The following NLGN4Y variants were observed in gnomAD, a reference collection of about 807,000 sequenced individuals.
NLGN4Y encodes the protein neuroligin 4 Y-linked.
In NLGN4Y, 4 loss-of-function variants were observed where a neutral mutation model predicts 8.4. The ratio of observed to expected loss-of-function variants is 0.48; its 90% CI spans 0.23 to 1.09. The LOEUF (loss-of-function observed/expected upper bound fraction) is 1.09. Among genes scored for constraint, NLGN4Y ranks in the 50% least tolerant of loss-of-function variants. The probability of loss-of-function intolerance (pLI) is 0.19; values close to 1 mark genes in which losing one functional copy is unlikely to be tolerated. For synonymous variants in NLGN4Y, 35 were observed against 75.6 expected (o/e 0.46, Z 2.78); for missense variants, 90 against 192.3 (o/e 0.47, Z 3.15).
chrY:14,596,128 C>T (rs2080396261), intron 1 of NLGN4Y, among the ~76,000 whole-genome samples: 1 of 33,170 alleles, frequency 3.0e-5, no homozygotes, highest in Non-Finnish European at 7.4e-5. Context: ...TTTGTCCTCA[C>T]TTATAGGAAG....
At chrY:14,523,134 A>G (rs920183519), upstream of NLGN4Y, among the ~76,000 whole-genome samples, 1 of 30,496 alleles carries the variant, frequency 3.3e-5, no homozygotes, top group South Asian at 7.8e-4. Context: ...TTTGGGCTGG[A>G]CTCTCTCCCA....
chrY:14,772,564 A>T, intron 4 of NLGN4Y, among the ~76,000 whole-genome samples: 1 of 33,769 alleles, frequency 3.0e-5, no homozygotes, highest in Non-Finnish European at 7.3e-5. Flanking sequence ...TCATTATATG[A>T]GGCCAGCATC....
intron 4 of NLGN4Y, among the ~76,000 whole-genome samples, chrY:14,784,440 C>A: frequency 6.0e-5 from 2 of 33,293 alleles, no homozygotes; most frequent in Admixed American, 5.4e-4. Context: ...GCGGGCGGAT[C>A]ACGAGGTCAG....
chrY:14,638,259 G>T, intron 2 of NLGN4Y, among the ~76,000 whole-genome samples: 2 of 33,213 alleles, frequency 6.0e-5, no homozygotes, highest in Non-Finnish European at 1.5e-4. Context: ...CTACTTATGA[G>T]TGAGAACATG....
At chrY:14,623,445 A>G in intron 2 of NLGN4Y, among the ~76,000 whole-genome samples, 1 of 33,840 alleles carries the variant, frequency 3.0e-5, no homozygotes, top group East Asian at 7.7e-4. Context: ...AGATGAGGAG[A>G]AAGGACAACA....
chrY:14,649,807 A>G (rs2080622979), intron 2 of NLGN4Y, among the ~76,000 whole-genome samples: 1 of 32,965 alleles, frequency 3.0e-5, no homozygotes, highest in Non-Finnish European at 7.5e-5. Context: ...CTTATTTACC[A>G]CCCCATTAGC....
chrY:14,613,166 T>G, intron 1 of NLGN4Y, among the ~76,000 whole-genome samples: 1 of 32,516 alleles, frequency 3.1e-5, no homozygotes, highest in South Asian at 7.3e-4. Context: ...GTGTCCCAGG[T>G]CAACTTCAGA....
chrY:14,803,889 A>G, intron 4 of NLGN4Y: 3 of 33,361 alleles, frequency 9.0e-5, no homozygotes, highest in Non-Finnish European at 2.2e-4. Context: ...CAGAACAACT[A>G]TCGAATCCCC....
intron 2 of NLGN4Y, among the ~76,000 whole-genome samples, chrY:14,683,143 A>G: frequency 3.0e-5 from 1 of 33,760 alleles, no homozygotes; most frequent in Non-Finnish European, 7.4e-5. Flanking sequence ...TGCAAATGTC[A>G]TAGATGGCAG....
intron 2 of NLGN4Y, among the ~76,000 whole-genome samples, chrY:14,628,175 A>G: frequency 2.9e-5 from 1 of 34,040 alleles, no homozygotes; most frequent in African/African-American, 1.1e-4. Flanking sequence ...AGCAAATGCC[A>G]TTGTGATTTC....
At chrY:14,812,779 A>T in intron 4 of NLGN4Y, among the ~76,000 whole-genome samples, 2 of 33,064 alleles carry the variant, frequency 6.0e-5, no homozygotes, top group African/African-American at 2.4e-4. Flanking sequence ...GGATTCCTAA[A>T]ATATTAATTT....
At chrY:14,627,207 G>A (rs774641538) in intron 2 of NLGN4Y, among the ~76,000 whole-genome samples, 2 of 30,171 alleles carry the variant, frequency 6.6e-5, no homozygotes, top group African/African-American at 2.6e-4. Context: ...AAAAAAAAAA[G>A]TTCTGCAATT....
intron 1 of NLGN4Y, among the ~76,000 whole-genome samples, chrY:14,590,389 A>T (rs1016388494): frequency 3.0e-5 from 1 of 33,304 alleles, no homozygotes; most frequent in Non-Finnish European, 7.5e-5. Flanking sequence ...GCTGTTGGGA[A>T]TTTGGCCAAT....
At chrY:14,702,213 C>A (rs2080850911) in intron 2 of NLGN4Y, among the ~76,000 whole-genome samples, 1 of 32,191 alleles carries the variant, frequency 3.1e-5, no homozygotes, top group African/African-American at 1.2e-4. Flanking sequence ...GCACAACGTG[C>A]AGGTTAGTTA....
chrY:14,529,488 T>G, intron 1 of NLGN4Y, among the ~76,000 whole-genome samples: 1 of 32,273 alleles, frequency 3.1e-5, no homozygotes, highest in Non-Finnish European at 7.5e-5. Flanking sequence ...CACCAATATG[T>G]GGCTCTGGAG....
chrY:14,656,627 A>C (rs368992218), intron 2 of NLGN4Y, among the ~76,000 whole-genome samples: 1 of 30,854 alleles, frequency 3.2e-5, no homozygotes, highest in East Asian at 8.3e-4. Flanking sequence ...ACAACAAAAA[A>C]AAAAAAAACA....
intron 2 of NLGN4Y, among the ~76,000 whole-genome samples, chrY:14,702,326 C>A: frequency 6.4e-5 from 2 of 31,323 alleles, no homozygotes; most frequent in Non-Finnish European, 1.5e-4. Context: ...CCCCACCCCA[C>A]AACAGGCCCC....
intron 4 of NLGN4Y, among the ~76,000 whole-genome samples, chrY:14,724,687 T>G: frequency 3.1e-5 from 1 of 32,376 alleles, no homozygotes; most frequent in African/African-American, 1.2e-4. Flanking sequence ...TCACCCAGGC[T>G]GGAGTGCAGT....
intron 2 of NLGN4Y, among the ~76,000 whole-genome samples, chrY:14,693,863 A>G (rs747120391): frequency 1.6e-4 from 5 of 32,125 alleles, no homozygotes; most frequent in African/African-American, 6.1e-4. Flanking sequence ...AATGTAGCTA[A>G]TGTTATTCCT....
Sources: allele counts gnomAD v4.1 joint callset (sites outside exome capture counted in the v4.1 genomes callset), GRCh38; gene constraint gnomAD v4.1.1; transcripts MANE v1.5; gene names NCBI Gene and HGNC (gene_info 2026-07-23, HGNC 2026-07-21).